Variants in DNAI2 observed in about 807,000 individuals in gnomAD.
The protein encoded by DNAI2 is dynein, axonemal, intermediate polypeptide 2.
In DNAI2, 63 loss-of-function variants were observed where a neutral mutation model predicts 74.7. The ratio of observed to expected loss-of-function variants is 0.84; its 90% CI spans 0.69 to 1.04. The LOEUF (loss-of-function observed/expected upper bound fraction) is 1.04, where lower values mean the gene tolerates loss of function less well. Ranked by LOEUF, DNAI2 falls within the 50% of genes least tolerant of loss-of-function variation. DNAI2 has a pLI of 0.00. For missense variants in DNAI2, 688 were observed against 803.2 expected, an observed-to-expected ratio of 0.86 and a Z score of 1.73; for synonymous variants, 289 against 314.9, an observed-to-expected ratio of 0.92 and a Z score of 0.87.
chr17:74,294,294 ATTTCTTTTTTTTTTTTCT>A (rs2052303466), intron 6 of DNAI2, among the ~76,000 whole-genome samples: 3 of 121,582 alleles, frequency 2.5e-5, no homozygotes, highest in East Asian at 7.1e-4. Flanking sequence ...TTCCCTTATC[ATTTCTTTTTTTTTTTTCT>A]TTTCTTTTTT....
At chr17:74,298,762 G>A (rs1207785733) in intron 6 of DNAI2, among the ~76,000 whole-genome samples, 2 of 151,916 alleles carry the variant, frequency 1.3e-5, no homozygotes, top group Non-Finnish European at 2.9e-5. Flanking sequence ...ACAGCCTCCC[G>A]AGTAGCATGT....
chr17:74,304,653 C>T (rs1025925487), intron 8 of DNAI2, among the ~76,000 whole-genome samples: 1 of 152,174 alleles, frequency 6.6e-6, no homozygotes, highest in Non-Finnish European at 1.5e-5. Context: ...CAGACAAGCT[C>T]GTGCCCCTCA....
At chr17:74,282,148 C>A in intron 2 of DNAI2, 148 bp downstream of exon 2, 1 of 951,714 alleles carries the variant, frequency 1.1e-6, no homozygotes, top group Non-Finnish European at 1.6e-6. Context: ...AGGGCAGAGG[C>A]TCCCCCTGAG....
chr17:74,294,220 C>G (rs1421288412), intron 6 of DNAI2, among the ~76,000 whole-genome samples: 1 of 150,488 alleles, frequency 6.6e-6, no homozygotes, highest in Non-Finnish European at 1.5e-5. Context: ...TGTCTTACAT[C>G]TTTTTGTTCT....
At chr17:74,314,367 T>A (rs769216291) in intron 13 of DNAI2, 96 bp downstream of exon 13, 18 of 1,470,628 alleles carry the variant, frequency 1.2e-5, no homozygotes, top group Non-Finnish European at 1.7e-5. Context: ...CCCCAGCCCC[T>A]ACAAATCACT....
At chr17:74,298,813 G>A (rs1371598722) in intron 6 of DNAI2, among the ~76,000 whole-genome samples, 1 of 152,036 alleles carries the variant, frequency 6.6e-6, no homozygotes, top group Non-Finnish European at 1.5e-5. Flanking sequence ...TTGTAGAGAC[G>A]GGGTCTCACT....
chr17:74,295,001 T>G (rs751653596), intron 6 of DNAI2, among the ~76,000 whole-genome samples: 21 of 152,166 alleles, frequency 1.4e-4, no homozygotes, highest in Non-Finnish European at 2.2e-4. Context: ...GTTCAGTGAT[T>G]CTTCTGCCTG....
chr17:74,310,502 G>GTATTA (rs1451662647), intron 11 of DNAI2, among the ~76,000 whole-genome samples: 1 of 149,894 alleles, frequency 6.7e-6, no homozygotes, highest in African/African-American at 2.5e-5. Context: ...GCTTAGTATT[G>GTATTA]TATTATATTA....
intron 8 of DNAI2, among the ~76,000 whole-genome samples, chr17:74,303,615 G>A: frequency 1.0e-5 from 1 of 95,760 alleles, no homozygotes; most frequent in Non-Finnish European, 2.6e-5. Context: ...TTTTTTTTGA[G>A]ACAGAGTCTC....
At chr17:74,306,798 A>C (rs2053214330) in intron 9 of DNAI2, among the ~76,000 whole-genome samples, 1 of 152,188 alleles carries the variant, frequency 6.6e-6, no homozygotes. Flanking sequence ...TTGTATTTTT[A>C]GTATAGACAG....
At chr17:74,289,534 A>AT in intron 4 of DNAI2, 60 bp from the exon 5 acceptor site, 10 of 1,452,440 alleles carry the variant, frequency 6.9e-6, no homozygotes, top group Middle Eastern at 1.9e-4. Flanking sequence ...AAAAAAAAAA[A>AT]GGGGGAGAAA....
rs1217838487 is a variant in DNAI2 at position 74,301,156 on chromosome 17, C to T, written c.975C>T (p.Phe325=). 9 of 1,613,836 alleles carry T rather than the reference C, an allele frequency of 5.6e-6. No homozygotes were observed. Among genetic ancestry groups the T allele is most frequent in the Middle Eastern group, 3.3e-4 (2 of 6,062 alleles). ...CCTTGGGGGCCATCTCCCTGGAGTT[C>T]GAATCTACTTTGGTGAGTGTCCCTT... ...ENALGAISLE[F]ESTLPTKFMV... Residue 325 remains phenylalanine, a synonymous_variant, in exon 8 of 14, where the codon TTC becomes TTT. Coordinates refer to ENST00000311014, the MANE Select transcript of DNAI2 (RefSeq NM_023036.6).
chr17:74,310,211 G>A, intron 11 of DNAI2, 48 bp downstream of exon 11: 1 of 1,601,136 alleles, frequency 6.2e-7, no homozygotes, highest in Non-Finnish European at 8.5e-7. Context: ...GTCCCGACCT[G>A]GCCCCACAGC....
rs776952886 is a variant in DNAI2, at chr17:74,281,908, A to T, written c.91A>T (p.Ile31Phe). 1.2e-6 allele frequency: 2 copies of T among 1,614,060 alleles called. No individual in the cohort carries two copies. The highest frequency in any genetic ancestry group is 2.7e-5 in the African/African-American group (2 of 74,940). Residue 31 changes from isoleucine to phenylalanine, a missense_variant, in exon 2 of 14, where the codon ATC (isoleucine) becomes TTC (phenylalanine). Ile to Phe is a conservative substitution (Grantham distance 21). Coordinates refer to ENST00000311014, the MANE Select transcript of DNAI2 (RefSeq NM_023036.6). ...SDRQAELNID[I>F]MPNPELAEQF... ...CCGCCAGGCCGAGCTGAACATCGAC[A>T]TCATGCCCAACCCTGAGCTGGCCGA...
intron 1 of DNAI2, among the ~76,000 whole-genome samples, chr17:74,276,367 G>A (rs1345761559): frequency 6.6e-6 from 1 of 152,100 alleles, no homozygotes; most frequent in Non-Finnish European, 1.5e-5. Context: ...GGGACTCTAG[G>A]TTCCCACGGG....
chr17:74,300,601 C>A lies in DNAI2; in HGVS notation c.865-445C>A, dbSNP rs12943990. ...ATTCTAATATTTTGTTGCTACCCCC[C>A]AAAAAATACAGCAAAGAGCATCTTT... On this transcript the variant is annotated intron_variant, in intron 7 of 13. Coordinates refer to ENST00000311014, the MANE Select transcript of DNAI2 (RefSeq NM_023036.6). The surrounding 1 kb of genome is among the most constrained non-coding windows in gnomAD (Gnocchi z 4.5). Among the ~76,000 whole-genome samples, 20,075 of 152,184 alleles carry A rather than the reference C, an allele frequency of 0.13. 1,642 individuals are homozygous for A. Among genetic ancestry groups the A allele is most frequent in the Non-Finnish European group, 0.19 (12,659 of 67,990 alleles).
intron 6 of DNAI2, among the ~76,000 whole-genome samples, chr17:74,293,034 C>T (rs975996854): frequency 6.6e-6 from 1 of 151,674 alleles, no homozygotes; most frequent in Non-Finnish European, 1.5e-5. Context: ...GGGGTTTCAC[C>T]GTGTTAGCCA....
chr17:74,286,692 T>C (rs925525158), intron 3 of DNAI2, among the ~76,000 whole-genome samples: 1 of 152,242 alleles, frequency 6.6e-6, no homozygotes, highest in African/African-American at 2.4e-5. Flanking sequence ...CCCAAAGTGC[T>C]GGGATTACAG....
At chr17:74,309,927 G>C in intron 10 of DNAI2, 90 bp from the exon 11 acceptor site, 1 of 1,569,734 alleles carries the variant, frequency 6.4e-7, no homozygotes, top group East Asian at 2.2e-5. Flanking sequence ...ATAGGGCCAA[G>C]TGGCTGAGCC....
Sources: allele counts gnomAD v4.1 joint callset (sites outside exome capture counted in the v4.1 genomes callset), GRCh38; gene constraint gnomAD v4.1.1; non-coding constraint Gnocchi (gnomAD v3.1); transcripts MANE v1.5; gene names NCBI Gene and HGNC (gene_info 2026-07-23, HGNC 2026-07-21).